The following DYSF variants were observed in gnomAD, a reference collection of about 807,000 sequenced individuals.
The protein encoded by DYSF is dysferlin.
In DYSF, 212 loss-of-function variants were observed where a neutral mutation model predicts 274.9. That is an observed-to-expected ratio of 0.77 (90% CI 0.69 to 0.86). DYSF has a LOEUF of 0.86. Among genes scored for constraint, DYSF ranks in the 40% least tolerant of loss-of-function variants. The probability of loss-of-function intolerance (pLI) is 0.00; values close to 1 mark genes in which losing one functional copy is unlikely to be tolerated. For missense variants in DYSF, 2,666 were observed against 2,783.2 expected, an observed-to-expected ratio of 0.96 and a Z score of 0.95; for synonymous variants, 1,091 against 1,078.7, an observed-to-expected ratio of 1.01 and a Z score of -0.22.
chr2:71,513,354 T>A (rs373182649), intron 6 of DYSF, 22 bp downstream of exon 6: 1 of 1,547,906 alleles, frequency 6.5e-7, no homozygotes, highest in East Asian at 2.5e-5. Context: ...GCCAGGACTG[T>A]CCTGATCCCA....
At chr2:71,526,411 T>TGGGGGGGGGGGGGGGGGGGGG in intron 13 of DYSF, 65 bp downstream of exon 13, 9 of 306,898 alleles carry the variant, frequency 2.9e-5, no homozygotes, top group African/African-American at 6.4e-5. Context: ...CTGGTGGGGG[T>TGGGGGGGGGGGGGGGGGGGGG]GGGCGATGGC....
intron 3 of DYSF, among the ~76,000 whole-genome samples, chr2:71,497,819 T>G (rs1260423718): frequency 6.6e-6 from 1 of 152,238 alleles, no homozygotes. Context: ...CTTATATACC[T>G]TCTAAGCTAT....
At chr2:71,555,316 C>A (rs376524218) in intron 21 of DYSF, among the ~76,000 whole-genome samples, 59 of 152,100 alleles carry the variant, frequency 3.9e-4, no homozygotes, top group African/African-American at 1.4e-3. Context: ...GTCCTGAGCA[C>A]GTGTCCTTGC....
At chr2:71,543,729 G>T (rs1468675380) in intron 17 of DYSF, among the ~76,000 whole-genome samples, 1 of 152,212 alleles carries the variant, frequency 6.6e-6, no homozygotes, top group East Asian at 1.9e-4. Flanking sequence ...AGGCGTGGCG[G>T]CGCGCGCCTG....
intron 29 of DYSF, among the ~76,000 whole-genome samples, chr2:71,573,002 C>T (rs2092575966): frequency 6.6e-6 from 1 of 152,242 alleles, no homozygotes; most frequent in Admixed American, 6.5e-5. Context: ...CGGGGTCACA[C>T]AGGGGCCTGT....
chr2:71,522,566 T>C (rs2087413684), intron 12 of DYSF, among the ~76,000 whole-genome samples: 1 of 152,202 alleles, frequency 6.6e-6, no homozygotes, highest in Non-Finnish European at 1.5e-5. Flanking sequence ...TGCCCGTCAC[T>C]GTTGAGGAGT....
chr2:71,648,353 G>A (rs954742838), intron 42 of DYSF, among the ~76,000 whole-genome samples: 1 of 152,082 alleles, frequency 6.6e-6, no homozygotes, highest in East Asian at 1.9e-4. Context: ...AAGGAGCACA[G>A]GGCAGAAGGG....
intron 52 of DYSF, among the ~76,000 whole-genome samples, chr2:71,676,663 G>A (rs944951713): frequency 4.0e-5 from 6 of 151,240 alleles, no homozygotes; most frequent in Non-Finnish European, 8.8e-5. Context: ...TTTACTGACT[G>A]AGTAAATCAT....
intron 22 of DYSF, among the ~76,000 whole-genome samples, chr2:71,559,397 T>C (rs2152800594): frequency 6.6e-6 from 1 of 152,218 alleles, no homozygotes; most frequent in Non-Finnish European, 1.5e-5. Flanking sequence ...TCCTCCTTCC[T>C]TCCTCTCCCA....
chr2:71,665,422 G>C lies in DYSF; in HGVS notation c.5317+118G>C, dbSNP rs2094979868. On this transcript the variant is annotated intron_variant, in intron 47 of 55. Coordinates refer to ENST00000410020, the MANE Select transcript of DYSF (RefSeq NM_001130987.2). ...GACATAACCCACAGCAGCAGGCTGT[G>C]GGTCTCTCCAGGGCAGCACAGATGG... is the stretch of plus-strand genomic sequence containing the variant. 3 of 1,377,358 alleles carry C rather than the reference G, an allele frequency of 2.2e-6. No individual in the cohort carries two copies. The East Asian group carries it at 7.0e-5, about 32-fold the overall frequency. The allele number at this position is 1,377,358 out of a possible 1,614,324, so 85.3% of individuals were successfully genotyped here. A position where few individuals can be genotyped will look rare whatever the true frequency, so the allele number is the denominator to read the frequency against.
At position 71,551,712 on chromosome 2, in the gene DYSF, C is replaced by A. The variant is rs149386446; in HGVS notation, c.1798C>A (p.Arg600=). ...GGACCTTCCTGCGGATGACATCCTC[C>A]GGGTGGAGGTGAGGGGTGTGGCTCT... is the stretch of plus-strand genomic sequence containing the variant. The part of the protein sequence containing the change: ...VEDLPADDIL[R]VEKYLRRRKY... The change falls in exon 19 of 56, where the codon CGG becomes AGG. Residue 600 remains arginine (R), a synonymous_variant. Transcript: ENST00000410020. The A allele has an allele frequency of 1.9e-6, 3 of 1,605,250 alleles. No homozygotes were observed. Among genetic ancestry groups the A allele is most frequent in the Non-Finnish European group, 2.5e-6 (3 of 1,177,448 alleles).
chr2:71,577,768 T>C (rs1281779725), intron 30 of DYSF, among the ~76,000 whole-genome samples: 1 of 152,178 alleles, frequency 6.6e-6, no homozygotes, highest in East Asian at 1.9e-4. Flanking sequence ...GCTGAGCTGC[T>C]GTCTTTGTCC....
At chr2:71,609,311 C>T (rs905956806) in intron 36 of DYSF, among the ~76,000 whole-genome samples, 2 of 152,298 alleles carry the variant, frequency 1.3e-5, no homozygotes, top group African/African-American at 4.8e-5. Flanking sequence ...ATCATGTCAC[C>T]TGCATTGTGG....
At chr2:71,600,581 G>A (rs756770272) in intron 33 of DYSF, 121 bp from the exon 34 acceptor site, 2 of 1,364,454 alleles carry the variant, frequency 1.5e-6, no homozygotes, top group Admixed American at 3.4e-5. Flanking sequence ...CTGTGGGAGG[G>A]GGTGCCCTTA....
At chr2:71,472,068 A>C (rs1015875956) in intron 1 of DYSF, among the ~76,000 whole-genome samples, 2 of 152,180 alleles carry the variant, frequency 1.3e-5, no homozygotes, top group South Asian at 4.1e-4. Context: ...ATATTTTCTT[A>C]TATGGATGCA....
intron 1 of DYSF, among the ~76,000 whole-genome samples, chr2:71,477,355 G>A (rs1245820789): frequency 6.6e-6 from 1 of 152,134 alleles, no homozygotes; most frequent in Non-Finnish European, 1.5e-5. Flanking sequence ...GTCTCCTGGG[G>A]TGCAGGCTTT....
At chr2:71,630,491 T>G (rs2094295076) in intron 41 of DYSF, among the ~76,000 whole-genome samples, 1 of 152,240 alleles carries the variant, frequency 6.6e-6, no homozygotes, top group Non-Finnish European at 1.5e-5. Context: ...TTCTACAGTT[T>G]TGGCTGAGTG....
chr2:71,557,563 C>A (rs1460960801), intron 22 of DYSF, among the ~76,000 whole-genome samples: 1 of 151,826 alleles, frequency 6.6e-6, no homozygotes. Flanking sequence ...GGTGCTGGGA[C>A]CAGGGGAGGG....
chr2:71,455,433 G>T (rs150203251), intron 1 of DYSF, among the ~76,000 whole-genome samples: 4 of 152,140 alleles, frequency 2.6e-5, no homozygotes, highest in Admixed American at 6.5e-5. Flanking sequence ...TTTTCCTAAC[G>T]TGCTGCTTTG....
Sources: gnomAD v4.1 joint callset for allele counts (sites outside exome capture counted in the v4.1 genomes callset) on GRCh38, gnomAD v4.1.1 for gene constraint, MANE v1.5 for transcripts, NCBI Gene and HGNC (gene_info 2026-07-23, HGNC 2026-07-21) for gene names.